FAM184A: variants seen among roughly 807,000 people sequenced by gnomAD.
FAM184A encodes protein FAM184A.
In FAM184A, 99 loss-of-function variants were observed where a neutral mutation model predicts 143.8. The ratio of observed to expected loss-of-function variants is 0.69; its 90% CI spans 0.58 to 0.81. FAM184A has a LOEUF of 0.81. Ranked by LOEUF, FAM184A falls within the 40% of genes least tolerant of loss-of-function variation. The probability of loss-of-function intolerance (pLI) is 0.00; values close to 1 mark genes in which losing one functional copy is unlikely to be tolerated. For missense variants in FAM184A, 1,217 were observed against 1,310.5 expected (o/e 0.93, Z 1.10); for synonymous variants, 427 against 446.4 (o/e 0.96, Z 0.55).
intron 9 of FAM184A, among the ~76,000 whole-genome samples, chr6:118,985,111 C>G (rs1338816518): frequency 1.3e-5 from 2 of 152,152 alleles, no homozygotes; most frequent in African/African-American, 2.4e-5. Flanking sequence ...TTTTCTTTTG[C>G]TTTCTTACCT....
In FAM184A at chr6:119,077,240, G is replaced by T. The variant is rs1283694802; in HGVS notation, c.159+901C>A. On this transcript the variant is annotated intron_variant, in intron 1 of 17. Transcript: ENST00000338891. Reference sequence around the variant, plus strand: ...GAGGCTATCTAGCAGTAACCCCCACGATGCCCATCTCTCTTCAGCATACCA... The same window carrying T: ...GAGGCTATCTAGCAGTAACCCCCACTATGCCCATCTCTCTTCAGCATACCA... 2.6e-5 allele frequency among the ~76,000 whole-genome samples: 4 copies of T among 152,022 alleles called. No individual in the cohort carries two copies. In the East Asian group the frequency reaches 7.7e-4, roughly 29 times the overall value.
chr6:119,040,369 G>T (rs1042796830), intron 1 of FAM184A, among the ~76,000 whole-genome samples: 11 of 152,126 alleles, frequency 7.2e-5, no homozygotes, highest in Admixed American at 5.2e-4. Flanking sequence ...TCAGCTGGAG[G>T]CATCTGACCC....
In FAM184A at chr6:119,006,449, C is replaced by T. The variant is rs752904057; in HGVS notation, c.1813G>A (p.Glu605Lys). 1 of 1,604,338 alleles carries T rather than the reference C, an allele frequency of 6.2e-7. No homozygotes were observed. Among genetic ancestry groups the T allele is most frequent in the Non-Finnish European group, 8.5e-7 (1 of 1,177,132 alleles). The stretch of plus-strand genomic sequence containing the variant: ...TTGCAGTAGAATTATGAAATTACCT[C>T]CACATTTAATAGAGCATCCTTGGTC... ...KETKDALLNV[E>K]GELEQERQQH... The change falls in exon 7 of 18, where the codon GAG becomes AAG. Residue 605 changes from glutamate (E) to lysine (K), a missense_variant and splice_region_variant. Coordinates refer to ENST00000338891, the MANE Select transcript of FAM184A (RefSeq NM_024581.6).
rs187651075 is a variant in FAM184A at position 118,981,116 on chromosome 6, C to T, written c.2089-766G>A. On this transcript the variant is annotated intron_variant, in intron 9 of 17. Coordinates refer to ENST00000338891, the MANE Select transcript of FAM184A (RefSeq NM_024581.6). ...ATTTGTCACTCCTTTTGAAAACAGA[C>T]ATCAGCCTCAGTATGTCTGTATCAC... is the stretch of plus-strand genomic sequence containing the variant. Among the ~76,000 whole-genome samples the T allele has an allele frequency of 2.0e-5, 3 of 152,260 alleles. No homozygotes were observed. The East Asian group carries it at 5.8e-4, about 29-fold the overall frequency.
intron 14 of FAM184A, among the ~76,000 whole-genome samples, chr6:118,969,307 T>C (rs1438141939): frequency 3.3e-5 from 5 of 152,142 alleles, no homozygotes; most frequent in Non-Finnish European, 5.9e-5. Flanking sequence ...AACGGACTAA[T>C]ACAATATTTT....
chr6:119,084,970 G>C (rs574853493), intron 1 of FAM184A, among the ~76,000 whole-genome samples: 18 of 152,242 alleles, frequency 1.2e-4, no homozygotes, highest in African/African-American at 1.7e-4. Flanking sequence ...AGGGTCCTGG[G>C]TGTGGCTCAT....
rs148136406 is a variant in FAM184A, at chr6:119,025,652, G to A, written c.160-839C>T. Reference sequence around the variant, plus strand: ...CTCTCCTTCCTTCCCTCTGTTCCTCGGATGCCATCCATCATGCCACTGTGG... The same window carrying A: ...CTCTCCTTCCTTCCCTCTGTTCCTCAGATGCCATCCATCATGCCACTGTGG... On this transcript the variant is annotated intron_variant, in intron 1 of 17. Transcript: ENST00000338891. 1.5e-3 allele frequency: 776 copies of A among 516,866 alleles called. 6 individuals are homozygous for A. Among genetic ancestry groups the A allele is most frequent in the African/African-American group, 0.013 (681 of 51,906 alleles). The allele number at this position is 516,866 out of a possible 1,614,324, so 32.0% of individuals were successfully genotyped here.
At chr6:119,082,300 C>A (rs529947232), upstream of FAM184A, among the ~76,000 whole-genome samples, 1 of 152,290 alleles carries the variant, frequency 6.6e-6, no homozygotes, top group African/African-American at 2.4e-5. Context: ...CAAATCATAT[C>A]ATTCCACCCC....
intron 1 of FAM184A, among the ~76,000 whole-genome samples, chr6:119,096,593 G>A (rs1788514433): frequency 3.5e-5 from 1 of 28,624 alleles, no homozygotes; most frequent in Non-Finnish European, 6.7e-5. Context: ...CCGAGATTGC[G>A]CCACTGCAGT....
intron 1 of FAM184A, among the ~76,000 whole-genome samples, chr6:119,132,416 T>C (rs1435101915): frequency 6.6e-6 from 1 of 152,202 alleles, no homozygotes; most frequent in Non-Finnish European, 1.5e-5. Context: ...CAAGAGCTCT[T>C]GTTTGAGGTT....
At position 119,046,068 on chromosome 6, in the gene FAM184A, AT is replaced by A. The variant is rs576499381; in HGVS notation, c.160-21256del. On this transcript the variant is annotated intron_variant, in intron 1 of 17. Transcript: ENST00000338891. ...GGAAAAACATTCCATCCTTTATCTT[AT>A]TACAACTGTTATCTTTTTTCCATAT... is the stretch of plus-strand genomic sequence containing the variant. 5.3e-4 allele frequency among the ~76,000 whole-genome samples: 80 copies of A among 152,284 alleles called. 1 individual carries two copies. In the East Asian group the frequency reaches 9.3e-3, roughly 18 times the overall value.
intron 11 of FAM184A, among the ~76,000 whole-genome samples, chr6:118,977,743 T>A (rs1238184196): frequency 1.3e-5 from 2 of 152,176 alleles, no homozygotes; most frequent in Non-Finnish European, 2.9e-5. Context: ...ATGAGTCATC[T>A]TCATGGTAAT....
intron 1 of FAM184A, among the ~76,000 whole-genome samples, chr6:119,052,877 C>A (rs1033853791): frequency 6.6e-6 from 1 of 152,226 alleles, no homozygotes; most frequent in African/African-American, 2.4e-5. Context: ...AATCATCTAA[C>A]AGTCAAGTTA....
At chr6:119,117,026 ATAT>A (rs928503879) in intron 1 of FAM184A, among the ~76,000 whole-genome samples, 2 of 152,190 alleles carry the variant, frequency 1.3e-5, no homozygotes, top group African/African-American at 4.8e-5. Context: ...CATTTTAGAA[ATAT>A]TATTCAGGTC....
At chr6:118,962,030 A>G (rs1198849541) in intron 16 of FAM184A, 67 bp from the exon 17 acceptor site, 2 of 1,510,828 alleles carry the variant, frequency 1.3e-6, no homozygotes, top group African/African-American at 2.8e-5. Context: ...TAGGAATGGT[A>G]GAAGATAGAA....
chr6:119,097,989 G>A (rs1226640757), intron 1 of FAM184A, among the ~76,000 whole-genome samples: 2 of 152,176 alleles, frequency 1.3e-5, no homozygotes, highest in Non-Finnish European at 2.9e-5. Flanking sequence ...CCACACCGAG[G>A]TTTTGCATCA....
At chr6:119,016,224 T>C (rs1440978725) in intron 5 of FAM184A, among the ~76,000 whole-genome samples, 2 of 152,162 alleles carry the variant, frequency 1.3e-5, no homozygotes. Flanking sequence ...ATCAGCAGGA[T>C]GTGGGTGGGG....
intron 5 of FAM184A, among the ~76,000 whole-genome samples, chr6:119,015,114 G>A (rs946581304): frequency 1.3e-5 from 2 of 151,958 alleles, no homozygotes; most frequent in South Asian, 4.2e-4. Flanking sequence ...GCAAATCATT[G>A]CTCTACAATA....
At chr6:119,063,580 G>A (rs1011609592) in intron 1 of FAM184A, among the ~76,000 whole-genome samples, 32 of 152,184 alleles carry the variant, frequency 2.1e-4, no homozygotes, top group East Asian at 7.7e-4. Context: ...CTTCTGGCAC[G>A]TGGCCTCGAG....
Sources: gnomAD v4.1 joint callset for allele counts (sites outside exome capture counted in the v4.1 genomes callset) on GRCh38, gnomAD v4.1.1 for gene constraint, MANE v1.5 for transcripts, NCBI Gene and HGNC (gene_info 2026-07-23, HGNC 2026-07-21) for gene names.